MYO3B: variants seen among roughly 807,000 people sequenced by gnomAD.
The protein encoded by MYO3B is myosin IIIB, also known as myosin-IIIb.
MYO3B carries 156 observed loss-of-function variants against 174.6 expected under a neutral mutation model. The observed-to-expected ratio is 0.89, with a 90% CI of 0.78 to 1.02. The LOEUF is 1.02. MYO3B is among the 50% of genes least tolerant of loss of function. MYO3B has a pLI of 0.00. For synonymous variants in MYO3B, 563 were observed against 569.1 expected, an observed-to-expected ratio of 0.99 and a Z score of 0.15; for missense variants, 1,632 against 1,639.4, an observed-to-expected ratio of 1.00 and a Z score of 0.08.
chr2:170,260,615 G>GTGA (rs961041446), intron 7 of MYO3B, among the ~76,000 whole-genome samples: 36 of 152,306 alleles, frequency 2.4e-4, no homozygotes, highest in African/African-American at 7.5e-4. Flanking sequence ...CACTACTTGG[G>GTGA]TGATGGGACC....
At chr2:170,500,590 A>G (rs1391025991) in intron 27 of MYO3B, among the ~76,000 whole-genome samples, 3 of 152,220 alleles carry the variant, frequency 2.0e-5, no homozygotes, top group Admixed American at 6.5e-5. Flanking sequence ...CTGAGCCCCA[A>G]CAACTGCCAT....
chr2:170,231,576 A>T (rs1323294758), intron 6 of MYO3B, among the ~76,000 whole-genome samples: 1 of 152,238 alleles, frequency 6.6e-6, no homozygotes, highest in East Asian at 1.9e-4. Context: ...TTTGCATTTC[A>T]AGGTAGGAAC....
intron 32 of MYO3B, among the ~76,000 whole-genome samples, chr2:170,554,581 T>C (rs1249737497): frequency 6.6e-6 from 1 of 152,256 alleles, no homozygotes; most frequent in African/African-American, 2.4e-5. Context: ...CTGTTCTCAT[T>C]CCTGCGACTC....
chr2:170,240,586 A>T (rs2093120012), intron 7 of MYO3B, among the ~76,000 whole-genome samples: 1 of 152,212 alleles, frequency 6.6e-6, no homozygotes. Context: ...TCCTTAAATT[A>T]TATTATGTGT....
intron 22 of MYO3B, among the ~76,000 whole-genome samples, chr2:170,432,150 A>G (rs1222761513): frequency 6.6e-6 from 1 of 151,352 alleles, no homozygotes; most frequent in African/African-American, 2.4e-5. Flanking sequence ...ACTCCTACTT[A>G]TTTTTTTTTA....
intron 7 of MYO3B, among the ~76,000 whole-genome samples, chr2:170,310,686 A>AAAAAAAAAAAAAG (rs1394362887): frequency 1.3e-5 from 2 of 150,850 alleles, no homozygotes; most frequent in African/African-American, 4.9e-5. Flanking sequence ...AAAAAAAAAA[A>AAAAAAAAAAAAAG]AGAAATACAT....
chr2:170,434,130 T>C (rs537958310), intron 22 of MYO3B, among the ~76,000 whole-genome samples: 1 of 152,324 alleles, frequency 6.6e-6, no homozygotes, highest in African/African-American at 2.4e-5. Context: ...ATCCTTCTTA[T>C]AAATTTAGGA....
intron 1 of MYO3B, among the ~76,000 whole-genome samples, chr2:170,182,967 A>C (rs189604923): frequency 2.0e-5 from 3 of 152,186 alleles, no homozygotes; most frequent in Admixed American, 6.5e-5. Context: ...CTTAAAAAAA[A>C]ACAAAGCGGC....
intron 22 of MYO3B, among the ~76,000 whole-genome samples, chr2:170,413,543 G>A (rs1452943931): frequency 6.6e-6 from 1 of 152,180 alleles, no homozygotes; most frequent in Non-Finnish European, 1.5e-5. Context: ...AAGGGTGTTA[G>A]AGACTGACTA....
Position 170,418,632 on chromosome 2 carries a change from A to G in MYO3B, c.2650+10788A>G, listed in dbSNP as rs574978664. Among the ~76,000 whole-genome samples the G allele has an allele frequency of 2.8e-3, 432 of 152,270 alleles. 4 individuals are homozygous for G. The highest frequency in any genetic ancestry group is 1.0e-2 in the African/African-American group (415 of 41,546). ...TTTCCTGGAAATAAGGCCCATGATG[A>G]GAACAGAAGTCCCTGCACCTCACAT... is the stretch of plus-strand genomic sequence containing the variant. On this transcript the variant is annotated intron_variant, in intron 22 of 34. Transcript: ENST00000408978.
At chr2:170,427,773 A>G (rs1199117490) in intron 22 of MYO3B, among the ~76,000 whole-genome samples, 2 of 152,186 alleles carry the variant, frequency 1.3e-5, no homozygotes, top group East Asian at 3.8e-4. Context: ...ATTCTTTAAA[A>G]TATAACAAAA....
chr2:170,425,609 C>T (rs1213216953), intron 22 of MYO3B, among the ~76,000 whole-genome samples: 2 of 152,130 alleles, frequency 1.3e-5, no homozygotes, highest in Non-Finnish European at 2.9e-5. Flanking sequence ...ATAGTGATTG[C>T]CAGGTAATCA....
chr2:170,228,960 CAAAAA>C (rs539746576), intron 6 of MYO3B, among the ~76,000 whole-genome samples: 138 of 98,320 alleles, frequency 1.4e-3, no homozygotes, highest in African/African-American at 4.2e-3. Flanking sequence ...ATTCCCTTTA[CAAAAA>C]AAAAAAAAAA....
chr2:170,649,420 A>AAT (rs1277108409), intron 32 of MYO3B, among the ~76,000 whole-genome samples: 1 of 82,026 alleles, frequency 1.2e-5, no homozygotes, highest in Non-Finnish European at 2.4e-5. Flanking sequence ...TTACATATAA[A>AAT]ATATATATAA....
chr2:170,258,442 CAG>C (rs1159620484), intron 7 of MYO3B, among the ~76,000 whole-genome samples: 1 of 151,954 alleles, frequency 6.6e-6, no homozygotes, highest in African/African-American at 2.4e-5. Context: ...ACCACATAAA[CAG>C]AATTAAAAGA....
chr2:170,350,989 A>T (rs1344362948), intron 8 of MYO3B: 2 of 152,180 alleles, frequency 1.3e-5, no homozygotes, highest in Non-Finnish European at 2.9e-5. Context: ...GGCCAAAAAC[A>T]TATTAAGAAG....
At chr2:170,564,034 A>G (rs1057030608) in intron 32 of MYO3B, among the ~76,000 whole-genome samples, 1 of 152,256 alleles carries the variant, frequency 6.6e-6, no homozygotes, top group Non-Finnish European at 1.5e-5. Flanking sequence ...TCTGAGGCAC[A>G]TGTGCCCAGG....
At chr2:170,201,095 C>T (rs1026021324) in intron 3 of MYO3B, among the ~76,000 whole-genome samples, 1 of 152,108 alleles carries the variant, frequency 6.6e-6, no homozygotes, top group African/African-American at 2.4e-5. Context: ...GCATTTTTTT[C>T]TCCAACAATC....
At chr2:170,382,232 C>A in intron 10 of MYO3B, 120 bp downstream of exon 10, 1 of 766,724 alleles carries the variant, frequency 1.3e-6, no homozygotes, top group Non-Finnish European at 2.2e-6. Context: ...GTTTGTGTAG[C>A]TATGGGATGA....
Sources: allele counts gnomAD v4.1 joint callset (sites outside exome capture counted in the v4.1 genomes callset), GRCh38; gene constraint gnomAD v4.1.1; transcripts MANE v1.5; gene names NCBI Gene and HGNC (gene_info 2026-07-23, HGNC 2026-07-21).